Variants in PCMTD1 observed in about 807,000 individuals in gnomAD.
PCMTD1 encodes the protein protein-L-isoaspartate (D-aspartate) O-methyltransferase domain containing 1, also known as protein-L-isoaspartate O-methyltransferase domain-containing protein 1.
Under a neutral mutation model 37.6 loss-of-function variants are expected in PCMTD1, and 12 were observed. The ratio of observed to expected loss-of-function variants is 0.32; its 90% CI spans 0.20 to 0.52. PCMTD1 has a LOEUF of 0.52. PCMTD1 is among the 20% of genes least tolerant of loss of function. PCMTD1 has a pLI of 0.97. For synonymous variants in PCMTD1, 117 were observed against 135.8 expected (o/e 0.86, Z 0.96); for missense variants, 235 against 421.3 (o/e 0.56, Z 3.87).
intron 4 of PCMTD1, among the ~76,000 whole-genome samples, chr8:51,832,926 G>T (rs542157884): frequency 6.6e-6 from 1 of 152,152 alleles, no homozygotes; most frequent in South Asian, 2.1e-4. Flanking sequence ...GCACACTGCA[G>T]CCTCAACCTC....
chr8:51,898,817 C>T, intron 1 of PCMTD1, 113 bp downstream of exon 1: 1 of 1,068,260 alleles, frequency 9.4e-7, no homozygotes, highest in Non-Finnish European at 1.2e-6. Flanking sequence ...GACTCTTCGG[C>T]TGCCGTCCCC....
intron 1 of PCMTD1, among the ~76,000 whole-genome samples, chr8:51,873,653 T>C (rs1349389124): frequency 6.6e-6 from 1 of 152,116 alleles, no homozygotes; most frequent in Non-Finnish European, 1.5e-5. Flanking sequence ...GTCCTCATGA[T>C]AGGGAGTGAG....
At chr8:51,836,575 G>T (rs2078593) in intron 3 of PCMTD1, among the ~76,000 whole-genome samples, 70 of 151,638 alleles carry the variant, frequency 4.6e-4, no homozygotes, top group African/African-American at 1.6e-3. Context: ...TTAAATAAAT[G>T]AACTAAATTA....
At chr8:51,887,750 T>TG (rs1249236936) in intron 1 of PCMTD1, among the ~76,000 whole-genome samples, 2 of 150,100 alleles carry the variant, frequency 1.3e-5, no homozygotes, top group Non-Finnish European at 3.0e-5. Context: ...AATTTCTTTT[T>TG]TTTTTTTTTT....
intron 3 of PCMTD1, among the ~76,000 whole-genome samples, chr8:51,840,723 A>G (rs927380744): frequency 3.3e-4 from 50 of 152,148 alleles, no homozygotes; most frequent in Admixed American, 3.3e-3. Context: ...AGGATAGTAG[A>G]TATGACCATG....
chr8:51,864,206 A>C lies in PCMTD1; in HGVS notation c.-95-2960T>G, dbSNP rs146793632. ...ATTATTTTATGTCCTGTTTAAGAGA[A>C]CAGAACAATTTTAAATATATATGCA... On this transcript the variant is annotated intron_variant, in intron 1 of 5. Transcript: ENST00000522514. Among the ~76,000 whole-genome samples the C allele has an allele frequency of 4.7e-3, 709 of 152,320 alleles. 1 individual carries two copies. Among genetic ancestry groups the C allele is most frequent in the Middle Eastern group, 0.014 (4 of 294 alleles).
At chr8:51,897,324 C>T (rs544789535) in intron 1 of PCMTD1, among the ~76,000 whole-genome samples, 482 of 152,332 alleles carry the variant, frequency 3.2e-3, no homozygotes, top group Non-Finnish European at 5.7e-3. Context: ...CACCCCTCCA[C>T]TTCCAGTTTA....
At chr8:51,830,769 G>A in intron 5 of PCMTD1, among the ~76,000 whole-genome samples, 1 of 152,180 alleles carries the variant, frequency 6.6e-6, no homozygotes, top group East Asian at 1.9e-4. Flanking sequence ...AAATCTTGAT[G>A]TGGCAAGTTC....
intron 3 of PCMTD1, among the ~76,000 whole-genome samples, chr8:51,837,788 TTTTTA>T (rs765122756): frequency 6.6e-6 from 1 of 152,210 alleles, no homozygotes; most frequent in Non-Finnish European, 1.5e-5. Flanking sequence ...TATTTATTTA[TTTTTA>T]TTTTGAGAAG....
chr8:51,854,388 C>A (rs893473199), intron 2 of PCMTD1, among the ~76,000 whole-genome samples: 1 of 151,154 alleles, frequency 6.6e-6, no homozygotes, highest in Non-Finnish European at 1.5e-5. Context: ...AAAAAAAAAT[C>A]TAAGAAATAG....
intron 1 of PCMTD1, among the ~76,000 whole-genome samples, chr8:51,894,535 G>C (rs1050317454): frequency 4.5e-4 from 69 of 152,210 alleles, no homozygotes; most frequent in African/African-American, 1.6e-3. Flanking sequence ...TGTAGAATGG[G>C]GATAATATAA....
chr8:51,820,565 G>C lies in PCMTD1; in HGVS notation c.860C>G (p.Thr287Ser), dbSNP rs2037832075. 1.2e-6 allele frequency: 2 copies of C among 1,612,748 alleles called. No individual in the cohort carries two copies. The highest frequency in any genetic ancestry group is 8.5e-7 in the Non-Finnish European group (1 of 1,179,678). ...KRKRVKQRIN[T>S]YVFVGNQLIP... ...AAGCTGATTACCCACAAATACGTAA[G>C]TGTTAATTCTCTGTTTAACTCTCTT... Residue 287 changes from threonine to serine, a missense_variant, in exon 6 of 6, where the codon ACT (threonine) becomes AGT (serine). Around this residue, in one of 3 missense-constraint regions of PCMTD1, gnomAD observed 183 missense variants for 349.3 expected, o/e 0.52. Transcript: ENST00000522514.
At chr8:51,893,097 T>C (rs983309199) in intron 1 of PCMTD1, among the ~76,000 whole-genome samples, 1 of 152,218 alleles carries the variant, frequency 6.6e-6, no homozygotes, top group Non-Finnish European at 1.5e-5. Context: ...GCAGGTAGAC[T>C]ACAAATGGAT....
At chr8:51,896,693 T>C (rs1031144840) in intron 1 of PCMTD1, among the ~76,000 whole-genome samples, 70 of 152,288 alleles carry the variant, frequency 4.6e-4, no homozygotes, top group African/African-American at 1.6e-3. Flanking sequence ...ACCATTATAG[T>C]TTCACACTAT....
rs528138369 is a variant in PCMTD1 at position 51,887,617 on chromosome 8, C to A, written c.-96+11313G>T. 2.0e-5 allele frequency among the ~76,000 whole-genome samples: 3 copies of A among 151,326 alleles called. No individual in the cohort carries two copies. In the East Asian group the frequency reaches 5.8e-4, roughly 29 times the overall value. Reference sequence around the variant, plus strand: ...AGAAACTGCAAAAAAACAAAACTATCAATCATTTGGTATGGTAATTATCAA... The same window carrying A: ...AGAAACTGCAAAAAAACAAAACTATAAATCATTTGGTATGGTAATTATCAA... On this transcript the variant is annotated intron_variant, in intron 1 of 5. Coordinates refer to ENST00000522514, the MANE Select transcript of PCMTD1 (RefSeq NM_052937.4).
At chr8:51,861,724 TA>T (rs1406088927) in intron 1 of PCMTD1, among the ~76,000 whole-genome samples, 12 of 137,474 alleles carry the variant, frequency 8.7e-5, no homozygotes, top group East Asian at 2.1e-4. Flanking sequence ...GTTTTTTTTT[TA>T]ATTTTTTTTT....
chr8:51,822,042 C>T (rs2037856551), intron 5 of PCMTD1, among the ~76,000 whole-genome samples: 1 of 152,166 alleles, frequency 6.6e-6, no homozygotes, highest in African/African-American at 2.4e-5. Flanking sequence ...GCCCTGGTTG[C>T]TTTCTATTGG....
chr8:51,890,587 T>A (rs1408164248), intron 1 of PCMTD1, among the ~76,000 whole-genome samples: 1 of 152,180 alleles, frequency 6.6e-6, no homozygotes, highest in African/African-American at 2.4e-5. Context: ...GGCCCAGTAT[T>A]TTAAATATGG....
chr8:51,899,005 C>A lies in PCMTD1; in HGVS notation c.-171G>T, dbSNP rs897156213. 3.3e-6 allele frequency: 5 copies of A among 1,513,234 alleles called. No individual in the cohort carries two copies. The highest frequency in any genetic ancestry group is 2.6e-5 in the East Asian group (1 of 38,644). The allele number at this position is 1,513,234 out of a possible 1,614,324, so 93.7% of individuals were successfully genotyped here. On this transcript the variant is annotated 5_prime_UTR_variant, in exon 1 of 6. Transcript: ENST00000522514. ...CCGCAGCAGCCAGACGCCGCTACCA[C>A]CACAATAACAACACGGACGCCACCG...
Sources: allele counts gnomAD v4.1 joint callset (sites outside exome capture counted in the v4.1 genomes callset), GRCh38; gene constraint gnomAD v4.1.1; regional missense constraint gnomAD v4.1.1; transcripts MANE v1.5; gene names NCBI Gene and HGNC (gene_info 2026-07-23, HGNC 2026-07-21).